Variants in CCDC178 observed in about 807,000 individuals in gnomAD.
The protein encoded by CCDC178 is coiled-coil domain containing 178.
CCDC178 carries 126 observed loss-of-function variants against 117.4 expected under a neutral mutation model. The observed-to-expected ratio is 1.07, with a 90% CI of 0.93 to 1.24. The LOEUF is 1.24. Among genes scored for constraint, CCDC178 ranks in the 50% most tolerant of loss-of-function variants. CCDC178 has a pLI of 0.00. For synonymous variants in CCDC178, 283 were observed against 313.4 expected, an observed-to-expected ratio of 0.90 and a Z score of 1.02; for missense variants, 1,030 against 986.9, an observed-to-expected ratio of 1.04 and a Z score of -0.59.
At chr18:32,999,552 T>G (rs887001409) in intron 21 of CCDC178, among the ~76,000 whole-genome samples, 34 of 152,258 alleles carry the variant, frequency 2.2e-4, no homozygotes, top group African/African-American at 8.2e-4. Context: ...CTGTGCTGGC[T>G]TCAGGTCTGA....
At chr18:33,336,513 A>G (rs993360269) in intron 9 of CCDC178, among the ~76,000 whole-genome samples, 9 of 152,106 alleles carry the variant, frequency 5.9e-5, no homozygotes, top group Non-Finnish European at 1.2e-4. Flanking sequence ...ACTAAACTAC[A>G]TGAGCAAATC....
intron 22 of CCDC178, among the ~76,000 whole-genome samples, chr18:32,950,883 C>T (rs1184302067): frequency 6.6e-6 from 1 of 152,166 alleles, no homozygotes; most frequent in African/African-American, 2.4e-5. Context: ...ATACCTTTTC[C>T]TATGTTACAG....
At chr18:33,198,282 A>C (rs1048176183) in intron 20 of CCDC178, among the ~76,000 whole-genome samples, 24 of 152,018 alleles carry the variant, frequency 1.6e-4, no homozygotes, top group Non-Finnish European at 2.4e-4. Flanking sequence ...CTCTCTCTCT[A>C]TCTATCTCCC....
intron 20 of CCDC178, among the ~76,000 whole-genome samples, chr18:33,107,034 C>T (rs984211012): frequency 6.6e-6 from 1 of 151,640 alleles, no homozygotes; most frequent in African/African-American, 2.4e-5. Context: ...GAAACAGATG[C>T]TTCCCTGAGC....
chr18:33,215,518 A>T lies in CCDC178; in HGVS notation c.2078+32T>A. ...TCTTATTTATTAATATTTTTTAAAA[A>T]CTTCATATTTTGATAAAGTTTAAGT... On this transcript the variant is annotated intron_variant, in intron 19 of 22. Coordinates refer to ENST00000383096, the MANE Select transcript of CCDC178 (RefSeq NM_001105528.4). The T allele has an allele frequency of 2.7e-6, 3 of 1,112,142 alleles. No individual in the cohort carries two copies. The African/African-American group carries it at 5.0e-5, about 18-fold the overall frequency. The allele number at this position is 1,112,142 out of a possible 1,614,324, so 68.9% of individuals were successfully genotyped here. A position where few individuals can be genotyped will look rare whatever the true frequency, so the allele number is the denominator to read the frequency against.
At chr18:33,169,824 C>A (rs2058577170) in intron 20 of CCDC178, among the ~76,000 whole-genome samples, 1 of 152,090 alleles carries the variant, frequency 6.6e-6, no homozygotes, top group African/African-American at 2.4e-5. Flanking sequence ...ATTTTCAATT[C>A]AATTATTGAA....
At chr18:33,326,324 T>C (rs145146694) in intron 10 of CCDC178, among the ~76,000 whole-genome samples, 18 of 152,204 alleles carry the variant, frequency 1.2e-4, no homozygotes, top group African/African-American at 4.3e-4. Context: ...GATGGGTACA[T>C]AGTGGTGTGG....
intron 21 of CCDC178, among the ~76,000 whole-genome samples, chr18:33,068,281 C>A (rs916803863): frequency 6.6e-6 from 1 of 152,004 alleles, no homozygotes; most frequent in Admixed American, 6.6e-5. Flanking sequence ...TCACAGTATT[C>A]AAAAAAATTA....
intron 20 of CCDC178, among the ~76,000 whole-genome samples, chr18:33,210,143 G>A (rs1042642663): frequency 7.2e-5 from 11 of 151,906 alleles, no homozygotes; most frequent in East Asian, 1.9e-4. Flanking sequence ...TATTTATTGC[G>A]TACTTCTGGC....
intron 2 of CCDC178, among the ~76,000 whole-genome samples, chr18:33,412,539 C>A (rs2063871877): frequency 2.0e-5 from 3 of 152,114 alleles, no homozygotes; most frequent in African/African-American, 7.2e-5. Context: ...GCAAAAAGTG[C>A]AATGGATTTC....
chr18:33,004,976 G>A (rs944733930), intron 21 of CCDC178, among the ~76,000 whole-genome samples: 1 of 152,024 alleles, frequency 6.6e-6, no homozygotes, highest in Admixed American at 6.6e-5. Flanking sequence ...AACTGCTGGC[G>A]AGGATATGGA....
At chr18:33,369,482 T>C (rs1395127848) in intron 6 of CCDC178, among the ~76,000 whole-genome samples, 2 of 151,988 alleles carry the variant, frequency 1.3e-5, no homozygotes, top group Admixed American at 6.6e-5. Context: ...TTCAGAAATA[T>C]AATCTTAATA....
At chr18:33,063,279 C>T (rs189587685) in intron 21 of CCDC178, among the ~76,000 whole-genome samples, 25 of 152,260 alleles carry the variant, frequency 1.6e-4, no homozygotes, top group African/African-American at 5.5e-4. Flanking sequence ...GGGTGCCCAG[C>T]ATGTCATCTG....
intron 18 of CCDC178, among the ~76,000 whole-genome samples, chr18:33,222,739 C>T (rs574464277): frequency 5.9e-5 from 9 of 152,030 alleles, no homozygotes; most frequent in African/African-American, 2.2e-4. Flanking sequence ...GTTTTCTTTC[C>T]TTTTTATTTC....
chr18:33,219,890 G>A (rs933386137), intron 18 of CCDC178, among the ~76,000 whole-genome samples: 1 of 151,918 alleles, frequency 6.6e-6, no homozygotes, highest in East Asian at 1.9e-4. Context: ...CCTGCACATT[G>A]TGCACATGTA....
At chr18:33,211,103 T>C (rs2059102982) in intron 20 of CCDC178, among the ~76,000 whole-genome samples, 1 of 151,726 alleles carries the variant, frequency 6.6e-6, no homozygotes, top group Non-Finnish European at 1.5e-5. Flanking sequence ...TTTGAATATA[T>C]AAATATGAAG....
chr18:32,996,222 C>T (rs935584109), intron 21 of CCDC178, among the ~76,000 whole-genome samples: 1 of 151,724 alleles, frequency 6.6e-6, no homozygotes, highest in African/African-American at 2.4e-5. Flanking sequence ...CAAGAAAACC[C>T]ACTATAAAAT....
At chr18:32,963,377 C>T (rs1483377438) in intron 22 of CCDC178, among the ~76,000 whole-genome samples, 1 of 151,898 alleles carries the variant, frequency 6.6e-6, no homozygotes, top group African/African-American at 2.4e-5. Flanking sequence ...AAAGGCATTT[C>T]CCTGAATTCA....
intron 9 of CCDC178, among the ~76,000 whole-genome samples, chr18:33,341,079 G>A (rs766036964): frequency 2.0e-5 from 3 of 152,188 alleles, no homozygotes; most frequent in Non-Finnish European, 4.4e-5. Context: ...ACCCTGCAAA[G>A]CCACAGGGGT....
Sources: allele counts gnomAD v4.1 joint callset (sites outside exome capture counted in the v4.1 genomes callset), GRCh38; gene constraint gnomAD v4.1.1; transcripts MANE v1.5; gene names NCBI Gene and HGNC (gene_info 2026-07-23, HGNC 2026-07-21).